Variants in CDH23 observed in about 807,000 individuals in gnomAD.
CDH23 encodes cadherin related 23, also known as cadherin-23.
In CDH23, 189 loss-of-function variants were observed where a neutral mutation model predicts 317.1. The ratio of observed to expected loss-of-function variants is 0.60; its 90% CI spans 0.53 to 0.67. CDH23 has a LOEUF of 0.67. CDH23 is among the 30% of genes least tolerant of loss of function. The pLI is 0.00. For missense variants in CDH23, 4,401 were observed against 4,592.4 expected, an observed-to-expected ratio of 0.96 and a Z score of 1.20; for synonymous variants, 1,839 against 1,876.8, an observed-to-expected ratio of 0.98 and a Z score of 0.52.
At position 71,511,149 on chromosome 10, in the gene CDH23, T is replaced by C. The variant is rs3802720; in HGVS notation, c.366T>C (p.Val122=). 0.67 allele frequency: 1,081,366 copies of C among 1,613,518 alleles called. 367,376 individuals are homozygous for C. Among genetic ancestry groups the C allele is most frequent in the African/African-American group, 0.94 (70,205 of 74,996 alleles). ...GVITRKVNIQ[V]GDVNDNAPTF... ...TCACACGGAAGGTGAACATCCAGGT[T>C]GGGGATGTGAATGACAACGCGCCCA... is the stretch of plus-strand genomic sequence containing the variant. Residue 122 remains valine, a synonymous_variant, in exon 6 of 70, where the codon GTT becomes GTC. Transcript: ENST00000224721.
At chr10:71,577,533 G>A (rs1858295711) in intron 8 of CDH23, among the ~76,000 whole-genome samples, 1 of 152,204 alleles carries the variant, frequency 6.6e-6, no homozygotes, top group Non-Finnish European at 1.5e-5. Context: ...GGGAAAGTGA[G>A]GCCAGAGAGG....
At chr10:71,439,962 G>A in intron 2 of CDH23, 64 bp downstream of exon 2, 1 of 1,310,444 alleles carries the variant, frequency 7.6e-7, no homozygotes, top group Non-Finnish European at 1.1e-6. Context: ...CAGGCTGGAG[G>A]GTGTTGGGGC....
rs1234418702 is a variant in CDH23, at chr10:71,680,746, C to CA, written c.1858+1271dup. Among the ~76,000 whole-genome samples the CA allele has an allele frequency of 9.9e-3, 155 of 15,622 alleles. 3 individuals carry two copies. The highest frequency in any genetic ancestry group is 0.016 in the Non-Finnish European group (116 of 7,156). 10.2% of individuals were successfully genotyped at this position (15,622 alleles called of 152,430 possible). On this transcript the variant is annotated intron_variant, in intron 17 of 69. Transcript: ENST00000224721. Reference sequence around the variant, plus strand: ...CTGGTGACAGAGTGACACTCCGTCTCAAAAAAAAAAAAAAAAAGAAAAAGA... The same window carrying CA: ...CTGGTGACAGAGTGACACTCCGTCTCAAAAAAAAAAAAAAAAAAGAAAAAGA...
At chr10:71,733,780 G>C (rs999935993) in intron 32 of CDH23, among the ~76,000 whole-genome samples, 1 of 152,212 alleles carries the variant, frequency 6.6e-6, no homozygotes, top group Non-Finnish European at 1.5e-5. Context: ...CTTTGCTTTA[G>C]TGTATCTTTT....
intron 38 of CDH23, among the ~76,000 whole-genome samples, chr10:71,759,846 C>CACACACACACACAT (rs776230069): frequency 0.071 from 4,272 of 59,806 alleles, 407 homozygotes; most frequent in East Asian, 0.14. Flanking sequence ...CACACACACA[C>CACACACACACACAT]ATATACACAC....
At chr10:71,405,102 C>T (rs1433665379) in intron 1 of CDH23, among the ~76,000 whole-genome samples, 4 of 152,210 alleles carry the variant, frequency 2.6e-5, no homozygotes, top group Non-Finnish European at 1.5e-5. Context: ...CTTTCCCTGG[C>T]TTCGGGTTAG....
chr10:71,532,786 G>A (rs1855475461), intron 6 of CDH23, among the ~76,000 whole-genome samples: 2 of 142,880 alleles, frequency 1.4e-5, no homozygotes, highest in South Asian at 2.2e-4. Context: ...CTGGAGTGCA[G>A]TGGCACACTC....
intron 14 of CDH23, among the ~76,000 whole-genome samples, chr10:71,666,488 C>T (rs1404821300): frequency 6.6e-6 from 1 of 152,224 alleles, no homozygotes; most frequent in African/African-American, 2.4e-5. Context: ...TCCCACCACA[C>T]TTCCCCTTTG....
chr10:71,623,001 T>G, intron 11 of CDH23: 2 of 967,668 alleles, frequency 2.1e-6, no homozygotes, highest in Non-Finnish European at 2.5e-6. Context: ...GGTTAGTTAT[T>G]AATTCAAGCA....
chr10:71,682,343 G>A lies in CDH23; in HGVS notation c.1859-102G>A, dbSNP rs116678912. The A allele has an allele frequency of 1.2e-3, 1,812 of 1,474,342 alleles. 28 individuals are homozygous for A. In the African/African-American group the frequency reaches 0.023, roughly 18 times the overall value. The allele number at this position is 1,474,342 out of a possible 1,614,324, so 91.3% of individuals were successfully genotyped here. A position where few individuals can be genotyped will look rare whatever the true frequency, so the allele number is the denominator to read the frequency against. On this transcript the variant is annotated intron_variant, in intron 17 of 69. Coordinates refer to ENST00000224721, the MANE Select transcript of CDH23 (RefSeq NM_022124.6). ...TCAGAAAACAAGCCAGAGCTGGCCC[G>A]GGCCATGCCAGCCATAACTTCTCTG...
intron 6 of CDH23, among the ~76,000 whole-genome samples, chr10:71,513,597 C>G (rs1357847686): frequency 3.3e-5 from 5 of 152,186 alleles, no homozygotes; most frequent in African/African-American, 9.6e-5. Flanking sequence ...TCAGAGAAAT[C>G]TCAGCAGGCT....
chr10:71,416,436 G>C (rs1848537048), intron 1 of CDH23, among the ~76,000 whole-genome samples: 1 of 152,166 alleles, frequency 6.6e-6, no homozygotes, highest in Non-Finnish European at 1.5e-5. Flanking sequence ...TTTAGTGTTA[G>C]TGGTTGTTAT....
intron 44 of CDH23, 74 bp from the exon 45 acceptor site, chr10:71,788,866 C>A: frequency 1.3e-6 from 1 of 784,070 alleles, no homozygotes; most frequent in South Asian, 1.4e-5. Context: ...CCCAACCTCC[C>A]AACCCTCCTC....
intron 14 of CDH23, among the ~76,000 whole-genome samples, chr10:71,651,922 G>C (rs1024019639): frequency 2.6e-5 from 4 of 152,238 alleles, no homozygotes; most frequent in Non-Finnish European, 5.9e-5. Flanking sequence ...CCTCTGGGCA[G>C]TGGGAGAGGC....
chr10:71,533,525 C>CA (rs1855520052), intron 6 of CDH23, among the ~76,000 whole-genome samples: 1 of 130,752 alleles, frequency 7.6e-6, no homozygotes, highest in African/African-American at 3.0e-5. Flanking sequence ...TGGCTGGACA[C>CA]CACACACACA....
At chr10:71,777,550 C>T (rs541251967) in intron 38 of CDH23, 130 bp from the exon 39 acceptor site, 41 of 767,664 alleles carry the variant, frequency 5.3e-5, no homozygotes, top group Non-Finnish European at 7.1e-5. Context: ...TGACCCACCC[C>T]CTGCTTTCTT....
intron 6 of CDH23, among the ~76,000 whole-genome samples, chr10:71,517,708 G>T (rs1443438497): frequency 2.0e-5 from 3 of 152,220 alleles, no homozygotes. Context: ...CACGGGCCTT[G>T]GCGGCCCCTC....
In CDH23 at chr10:71,802,819, G is replaced by A; in HGVS notation, c.7483-79G>A. 2.0e-6 allele frequency: 3 copies of A among 1,477,774 alleles called. No homozygotes were observed. The South Asian group carries it at 3.5e-5, about 17-fold the overall frequency. 91.5% of individuals were successfully genotyped at this position (1,477,774 alleles called of 1,614,324 possible). On this transcript the variant is annotated intron_variant, in intron 53 of 69. Coordinates refer to ENST00000224721, the MANE Select transcript of CDH23 (RefSeq NM_022124.6). The stretch of plus-strand genomic sequence containing the variant: ...TGGTGCCTGTCCTTCCTCTATCCAG[G>A]CTTACTCCTGCATGACCAGGTCCGC...
chr10:71,436,486 G>A (rs1849627360), intron 1 of CDH23, among the ~76,000 whole-genome samples: 1 of 152,226 alleles, frequency 6.6e-6, no homozygotes. Flanking sequence ...GTCAGGAAAC[G>A]GGAACAGCAG....
Sources: allele counts gnomAD v4.1 joint callset (sites outside exome capture counted in the v4.1 genomes callset), GRCh38; gene constraint gnomAD v4.1.1; transcripts MANE v1.5; gene names NCBI Gene and HGNC (gene_info 2026-07-23, HGNC 2026-07-21).